The following PTPN4 variants were observed in gnomAD, a reference collection of about 807,000 sequenced individuals.
PTPN4 encodes the protein tyrosine-protein phosphatase non-receptor type 4.
In PTPN4, 49 loss-of-function variants were observed where a neutral mutation model predicts 135.5. The ratio of observed to expected loss-of-function variants is 0.36; its 90% CI spans 0.29 to 0.46. The LOEUF (loss-of-function observed/expected upper bound fraction) is 0.46. PTPN4 is among the 20% of genes least tolerant of loss of function. The pLI, the probability that PTPN4 is intolerant of heterozygous loss-of-function variation, is 1.00. For missense variants in PTPN4, 860 were observed against 1,101.0 expected, an observed-to-expected ratio of 0.78 and a Z score of 3.10; for synonymous variants, 333 against 369.9, an observed-to-expected ratio of 0.90 and a Z score of 1.14.
intron 1 of PTPN4, among the ~76,000 whole-genome samples, chr2:119,766,468 G>GTGTGTGTC (rs1690629548): frequency 7.0e-6 from 1 of 142,702 alleles, no homozygotes; most frequent in Non-Finnish European, 1.5e-5. Flanking sequence ...GTGTGTGTGT[G>GTGTGTGTC]TGTGTGTGTG....
chr2:119,823,305 G>A (rs941832700), intron 2 of PTPN4, among the ~76,000 whole-genome samples: 21 of 148,520 alleles, frequency 1.4e-4, no homozygotes, highest in Admixed American at 1.4e-3. Flanking sequence ...CTCGATCTCC[G>A]CTCACTGCAA....
At chr2:119,835,300 T>C (rs556528036) in intron 2 of PTPN4, among the ~76,000 whole-genome samples, 1 of 152,254 alleles carries the variant, frequency 6.6e-6, no homozygotes, top group Admixed American at 6.5e-5. Context: ...TTCTCCTGCC[T>C]CAGCCTCCTC....
intron 1 of PTPN4, among the ~76,000 whole-genome samples, chr2:119,779,603 C>T (rs887648823): frequency 5.9e-5 from 8 of 135,790 alleles, no homozygotes; most frequent in African/African-American, 1.4e-4. Context: ...GGCAACAGAG[C>T]GAGACTCCGT....
intron 3 of PTPN4, 146 bp from the exon 4 acceptor site, chr2:119,877,177 T>G: frequency 1.5e-6 from 1 of 663,674 alleles, no homozygotes; most frequent in Non-Finnish European, 2.4e-6. Context: ...AAAAATATTG[T>G]CTGTAATGCA....
At chr2:119,952,783 C>T (rs1031587447) in intron 19 of PTPN4, among the ~76,000 whole-genome samples, 16 of 152,138 alleles carry the variant, frequency 1.1e-4, no homozygotes, top group African/African-American at 3.1e-4. Context: ...ACTTGAATGC[C>T]GTAAGCTCTA....
intron 5 of PTPN4, among the ~76,000 whole-genome samples, chr2:119,879,309 A>G (rs911682229): frequency 6.6e-6 from 1 of 152,238 alleles, no homozygotes; most frequent in Non-Finnish European, 1.5e-5. Context: ...TTTCACTAAT[A>G]AGTTGAAATA....
intron 1 of PTPN4, among the ~76,000 whole-genome samples, chr2:119,793,743 C>T (rs1223129774): frequency 6.6e-6 from 1 of 151,550 alleles, no homozygotes; most frequent in African/African-American, 2.4e-5. Flanking sequence ...GCAGGTCCCT[C>T]TGTTCGGGGT....
rs544837997 is a variant in PTPN4 at position 119,982,768 on chromosome 2, T to TCATTA, written c.*5701_*5705dup. ...GAAGCCAGAAAACTGTGCCTAAGATTCATTACAGTGAGTATGTGCAGAGGC... is the reference window on the plus strand; with the variant it reads ...GAAGCCAGAAAACTGTGCCTAAGATTCATTACATTACAGTGAGTATGTGCAGAGGC... On this transcript the variant is annotated 3_prime_UTR_variant, in exon 27 of 27. Transcript: ENST00000263708. 85 of 152,318 alleles carry TCATTA rather than the reference T, an allele frequency of 5.6e-4. 1 individual carries two copies. Among genetic ancestry groups the TCATTA allele is most frequent in the African/African-American group, 2.0e-3 (85 of 41,564 alleles). 9.4% of individuals were successfully genotyped at this position (152,318 alleles called of 1,614,324 possible).
chr2:119,941,765 A>G (rs1430955838), intron 15 of PTPN4, among the ~76,000 whole-genome samples: 1 of 152,138 alleles, frequency 6.6e-6, no homozygotes, highest in African/African-American at 2.4e-5. Context: ...TCCCAACCTC[A>G]GCATTTATAC....
chr2:119,809,993 T>C lies in PTPN4; in HGVS notation c.138+2T>C. ...ACTGTACAAGCTTTCAAAGTCAATGTAAGTATTTTGTGTCTTTTAAAAAAT... is the reference window on the plus strand; with the variant it reads ...ACTGTACAAGCTTTCAAAGTCAATGCAAGTATTTTGTGTCTTTTAAAAAAT... On this transcript the variant is annotated splice_donor_variant, in intron 2 of 26. Coordinates refer to ENST00000263708, the MANE Select transcript of PTPN4 (RefSeq NM_002830.4). LOFTEE classifies it high-confidence loss of function. The C allele has an allele frequency of 1.2e-6, 2 of 1,603,686 alleles. No homozygotes were observed. Among genetic ancestry groups the C allele is most frequent in the Non-Finnish European group, 1.7e-6 (2 of 1,176,746 alleles).
chr2:119,783,286 G>C (rs573411004), intron 1 of PTPN4, among the ~76,000 whole-genome samples: 18 of 152,136 alleles, frequency 1.2e-4, no homozygotes, highest in Non-Finnish European at 1.9e-4. Context: ...TTGATTCTCT[G>C]TCCAGCTGTA....
chr2:119,838,648 A>G (rs1251825765), intron 2 of PTPN4, among the ~76,000 whole-genome samples: 1 of 152,232 alleles, frequency 6.6e-6, no homozygotes, highest in African/African-American at 2.4e-5. Context: ...TAGAGAAACA[A>G]TAACCAGTAA....
chr2:119,848,453 G>A (rs935827700), intron 2 of PTPN4, among the ~76,000 whole-genome samples: 3 of 151,740 alleles, frequency 2.0e-5, no homozygotes, highest in African/African-American at 2.4e-5. Flanking sequence ...GATTACAGGC[G>A]TGAGCCACCA....
At chr2:119,975,357 G>A (rs905435132) in intron 26 of PTPN4, among the ~76,000 whole-genome samples, 1 of 152,052 alleles carries the variant, frequency 6.6e-6, no homozygotes, top group Non-Finnish European at 1.5e-5. Flanking sequence ...CACAAGTGAT[G>A]CTCCCACCTT....
chr2:119,831,510 G>A (rs1431871896), intron 2 of PTPN4, among the ~76,000 whole-genome samples: 1 of 152,208 alleles, frequency 6.6e-6, no homozygotes, highest in African/African-American at 2.4e-5. Flanking sequence ...ATCAGGAAGT[G>A]TGAGTTCTCC....
intron 2 of PTPN4, among the ~76,000 whole-genome samples, chr2:119,851,789 G>T (rs1160180014): frequency 6.6e-6 from 1 of 152,178 alleles, no homozygotes; most frequent in Non-Finnish European, 1.5e-5. Flanking sequence ...TCAGGAGATT[G>T]TCTGTCCCTG....
chr2:119,877,740 C>G (rs887257831), intron 5 of PTPN4, among the ~76,000 whole-genome samples, 198 bp downstream of exon 5: 3 of 152,132 alleles, frequency 2.0e-5, no homozygotes, highest in African/African-American at 7.2e-5. Context: ...GATTTAGAAC[C>G]TCAGGGCTGC....
chr2:119,914,229 TAC>T (rs1332005585), intron 10 of PTPN4, among the ~76,000 whole-genome samples: 1 of 147,232 alleles, frequency 6.8e-6, no homozygotes, highest in Non-Finnish European at 1.5e-5. Context: ...TTTCCATAAA[TAC>T]AGTCAATAGT....
At chr2:119,800,265 A>G (rs1479392524) in intron 1 of PTPN4, among the ~76,000 whole-genome samples, 1 of 152,072 alleles carries the variant, frequency 6.6e-6, no homozygotes, top group Non-Finnish European at 1.5e-5. Flanking sequence ...AAATGCCACT[A>G]TTTTTTATTT....
Sources: gnomAD v4.1 joint callset for allele counts (sites outside exome capture counted in the v4.1 genomes callset) on GRCh38, gnomAD v4.1.1 for gene constraint, MANE v1.5 for transcripts, NCBI Gene and HGNC (gene_info 2026-07-23, HGNC 2026-07-21) for gene names.